Variants in CRTAP observed in about 807,000 individuals in gnomAD.
CRTAP encodes cartilage associated protein.
CRTAP carries 33 observed loss-of-function variants against 42.7 expected under a neutral mutation model. The observed-to-expected ratio is 0.77, with a 90% confidence interval of 0.59 to 1.03. The LOEUF (loss-of-function observed/expected upper bound fraction) is 1.03. Among genes scored for constraint, CRTAP ranks in the 50% least tolerant of loss-of-function variants. CRTAP has a pLI of 0.00. For synonymous variants in CRTAP, 243 were observed against 217.7 expected, an observed-to-expected ratio of 1.12 and a Z score of -1.02; for missense variants, 613 against 533.9, an observed-to-expected ratio of 1.15 and a Z score of -1.46.
chr3:33,130,967 C>T (rs114168551), intron 4 of CRTAP, among the ~76,000 whole-genome samples: 1,825 of 152,274 alleles, frequency 0.012, 34 homozygotes, highest in African/African-American at 0.04. Context: ...CTGCGTGTTT[C>T]GGCTTTTCCT....
chr3:33,124,596 T>C lies in CRTAP; in HGVS notation c.793+17T>C. The C allele has an allele frequency of 1.2e-6, 2 of 1,613,898 alleles. No individual in the cohort carries two copies. Among genetic ancestry groups the C allele is most frequent in the Middle Eastern group, 1.7e-4 (1 of 6,060 alleles). On this transcript the variant is annotated intron_variant, in intron 3 of 6. Transcript: ENST00000320954. The stretch of plus-strand genomic sequence containing the variant: ...CCATAGCAGGTTGGTGGTAGGTCAA[T>C]AGGCTCACTACTCCCATGGAATAGT...
intron 5 of CRTAP, 55 bp downstream of exon 5, chr3:33,132,755 C>A: frequency 6.3e-7 from 1 of 1,598,500 alleles, no homozygotes; most frequent in Non-Finnish European, 8.6e-7. Context: ...CTTCTGGAGA[C>A]TACCTCGTGC....
In CRTAP at chr3:33,145,467, C is replaced by T. The variant is rs2030696547; in HGVS notation, c.*3019C>T. ...TTCACCCACGGGATGCCGGGTTCTC[C>T]TTTCTTTCCTCACCCCAACCTTTAC... On this transcript the variant is annotated 3_prime_UTR_variant, in exon 7 of 7. Transcript: ENST00000320954. This position sits in a 1 kb window ranked among gnomAD's most constrained non-coding sequence, Gnocchi z 4.3. The T allele has an allele frequency of 6.6e-6, 1 of 152,352 alleles. No homozygotes were observed. Among genetic ancestry groups the T allele is most frequent in the Non-Finnish European group, 1.5e-5 (1 of 68,122 alleles). 9.4% of individuals were successfully genotyped at this position (152,352 alleles called of 1,614,324 possible).
intron 6 of CRTAP, among the ~76,000 whole-genome samples, chr3:33,140,033 A>G (rs545268597): frequency 1.3e-5 from 2 of 152,362 alleles, no homozygotes; most frequent in East Asian, 3.9e-4. Flanking sequence ...TCATTTCCTT[A>G]GAAAAAATTC....
At chr3:33,135,022 G>A (rs13080362) in intron 6 of CRTAP, among the ~76,000 whole-genome samples, 5 of 152,146 alleles carry the variant, frequency 3.3e-5, no homozygotes, top group East Asian at 1.9e-4. Flanking sequence ...AGACATCTTC[G>A]TGGAATTTGT....
In CRTAP at chr3:33,132,580, C is replaced by A. The variant is rs201997191; in HGVS notation, c.948C>A (p.Pro316=). 6.2e-7 allele frequency: 1 copy of A among 1,614,138 alleles called. No homozygotes were observed. The highest frequency in any genetic ancestry group is 1.7e-5 in the Admixed American group (1 of 60,022). Residue 316 remains proline, a synonymous_variant, in exon 5 of 7, where the codon CCC becomes CCA. Coordinates refer to ENST00000320954, the MANE Select transcript of CRTAP (RefSeq NM_006371.5). ...TGAACGACCTGAAGAATGCAGCCCC[C>A]TGTGCAGTCAGCTATCTGCTCTTTG... is the stretch of plus-strand genomic sequence containing the variant. ...YKLNDLKNAA[P]CAVSYLLFDQ...
chr3:33,135,193 A>T (rs1394647515), intron 6 of CRTAP, among the ~76,000 whole-genome samples: 2 of 152,236 alleles, frequency 1.3e-5, no homozygotes, highest in African/African-American at 2.4e-5. Context: ...CTGGAAAGTG[A>T]TGCAATGCCT....
rs756095907 is a variant in CRTAP at position 33,114,175 on chromosome 3, T to C, written c.98T>C (p.Phe33Ser). ...CGCGCCCAATACGAACGCTACAGCT[T>C]CCGCAGCTTCCCACGGGACGAGCTG... Reference protein sequence around the residue: ...AGRAQYERYSFRSFPRDELMP... With the variant: ...AGRAQYERYSSRSFPRDELMP... Residue 33 changes from phenylalanine (F) to serine (S), a missense_variant, in exon 1 of 7, where the codon TTC (phenylalanine) becomes TCC (serine). Physicochemically the swap from Phe to Ser is radical, Grantham distance 155 (BLOSUM62 -2). Transcript: ENST00000320954. The C allele has an allele frequency of 6.3e-7, 1 of 1,591,808 alleles. No individual in the cohort carries two copies. Among genetic ancestry groups the C allele is most frequent in the Non-Finnish European group, 8.5e-7 (1 of 1,176,078 alleles).
intron 3 of CRTAP, among the ~76,000 whole-genome samples, chr3:33,129,153 A>C (rs1003253293): frequency 3.9e-5 from 6 of 152,222 alleles, no homozygotes; most frequent in Non-Finnish European, 8.8e-5. Context: ...ATTTCCTAGA[A>C]GTAGACAGCT....
At chr3:33,114,656 C>T in intron 1 of CRTAP, 108 bp downstream of exon 1, 1 of 1,023,516 alleles carries the variant, frequency 9.8e-7, no homozygotes, top group South Asian at 1.4e-5. Context: ...CAGTTCTAGA[C>T]CTGGCTCCCT....
rs1351893746 is a variant in CRTAP, at chr3:33,124,537, A to G, written c.751A>G (p.Arg251Gly). 3 of 1,614,090 alleles carry G rather than the reference A, an allele frequency of 1.9e-6. No homozygotes were observed. Among genetic ancestry groups the G allele is most frequent in the Non-Finnish European group, 2.5e-6 (3 of 1,180,048 alleles). The stretch of plus-strand genomic sequence containing the variant: ...GTGTCTCGCAGCCTGCGAGGGTTCC[A>G]GGGAGATCAAGGACTTCAAGGATTT... ...YECLAACEGS[R>G]EIKDFKDFYL... Residue 251 changes from arginine (R) to glycine (G), a missense_variant, in exon 3 of 7, where the codon AGG (arginine) becomes GGG (glycine). Transcript: ENST00000320954.
chr3:33,130,939 A>G (rs2030242068), intron 4 of CRTAP, among the ~76,000 whole-genome samples: 1 of 152,172 alleles, frequency 6.6e-6, no homozygotes, highest in Non-Finnish European at 1.5e-5. Context: ...AAGGAAGTTC[A>G]GGGTTAGACT....
At position 33,114,391 on chromosome 3, in the gene CRTAP, A is replaced by G; in HGVS notation, c.314A>G (p.Glu105Gly). 2 of 1,535,350 alleles carry G rather than the reference A, an allele frequency of 1.3e-6. No individual in the cohort carries two copies. The highest frequency in any genetic ancestry group is 1.7e-6 in the Non-Finnish European group (2 of 1,146,304). Reference protein sequence around the residue: ...EPAAGLASYPELRLFGGLLRR... With the variant: ...EPAAGLASYPGLRLFGGLLRR... ...GCCGCCGGCCTCGCCAGCTATCCCG[A>G]GCTGCGCCTCTTCGGGGGCCTGCTG... Residue 105 changes from glutamate (E) to glycine (G), a missense_variant, in exon 1 of 7, where the codon GAG (glutamate) becomes GGG (glycine). By Grantham distance (98) the Glu-to-Gly change is moderately conservative (BLOSUM62 -2). Transcript: ENST00000320954.
chr3:33,130,525 C>CTTTTTTTTTTTTTTTTTTTTTTT (rs765558103), intron 4 of CRTAP, among the ~76,000 whole-genome samples: 15 of 55,272 alleles, frequency 2.7e-4, no homozygotes, highest in South Asian at 2.2e-3. Context: ...CTTTTCTTTT[C>CTTTTTTTTTTTTTTTTTTTTTTT]TTTTTTTTTT....
chr3:33,127,964 T>C (rs1270789195), intron 3 of CRTAP, among the ~76,000 whole-genome samples: 1 of 151,804 alleles, frequency 6.6e-6, no homozygotes, highest in African/African-American at 2.4e-5. Context: ...GCCAGGCTGG[T>C]TTCAAACTCC....
chr3:33,123,632 T>G (rs2029963923), intron 2 of CRTAP, among the ~76,000 whole-genome samples: 2 of 56,484 alleles, frequency 3.5e-5, no homozygotes, highest in South Asian at 1.3e-3. Flanking sequence ...TCGGTTTTTT[T>G]TTTTTTTTTT....
At chr3:33,121,219 G>A (rs1294932732) in intron 2 of CRTAP, among the ~76,000 whole-genome samples, 1 of 152,094 alleles carries the variant, frequency 6.6e-6, no homozygotes, top group Non-Finnish European at 1.5e-5. Context: ...GACCAGCCTG[G>A]CCAATATGGT....
At chr3:33,131,272 G>T (rs1281026965) in intron 4 of CRTAP, among the ~76,000 whole-genome samples, 2 of 151,276 alleles carry the variant, frequency 1.3e-5, no homozygotes, top group Non-Finnish European at 1.5e-5. Flanking sequence ...TTGCGGGGGG[G>T]GGTTCCTCTT....
intron 1 of CRTAP, among the ~76,000 whole-genome samples, chr3:33,115,742 G>A (rs975647376): frequency 9.9e-5 from 15 of 151,412 alleles, no homozygotes; most frequent in African/African-American, 3.6e-4. Context: ...TCAGTTTCTG[G>A]ACTGCAAGAT....
Sources: allele counts gnomAD v4.1 joint callset (sites outside exome capture counted in the v4.1 genomes callset), GRCh38; gene constraint gnomAD v4.1.1; non-coding constraint Gnocchi (gnomAD v3.1); transcripts MANE v1.5; gene names NCBI Gene and HGNC (gene_info 2026-07-23, HGNC 2026-07-21).